CELSR1: variants seen among roughly 807,000 people sequenced by gnomAD.
The protein encoded by CELSR1 is cadherin EGF LAG seven-pass G-type receptor 1.
A neutral mutation model predicts 249.1 loss-of-function variants in CELSR1; 110 were observed. The observed-to-expected ratio is 0.44, with a 90% CI of 0.38 to 0.52. The LOEUF is 0.52. Ranked by LOEUF, CELSR1 falls within the 20% of genes least tolerant of loss-of-function variation. The probability of loss-of-function intolerance (pLI) is 0.00; values close to 1 mark genes in which losing one functional copy is unlikely to be tolerated. For synonymous variants in CELSR1, 2,113 were observed against 1,900.0 expected (o/e 1.11, Z -2.92); for missense variants, 4,109 against 4,296.4 (o/e 0.96, Z 1.22).
At chr22:46,461,275 A>G (rs2080023473) in intron 2 of CELSR1, among the ~76,000 whole-genome samples, 1 of 152,240 alleles carries the variant, frequency 6.6e-6, no homozygotes, top group African/African-American at 2.4e-5. Context: ...GTCTCATGCC[A>G]ATCATTACAT....
intron 24 of CELSR1, among the ~76,000 whole-genome samples, chr22:46,375,333 C>A (rs1314713405): frequency 2.0e-5 from 3 of 152,080 alleles, no homozygotes; most frequent in Non-Finnish European, 2.9e-5. Flanking sequence ...ATGGGTGGTA[C>A]CTTCAACTAC....
rs1047387212 is a variant in CELSR1 at position 46,401,778 on chromosome 22, C to T, written c.5227-1876G>A. The stretch of plus-strand genomic sequence containing the variant: ...AACGATAAAAACGAAAAAGAGCCAC[C>T]TTTGCAGGACTGGAAGCCCAGCTTT... On this transcript the variant is annotated intron_variant, in intron 9 of 34. Transcript: ENST00000674500. This position sits in a 1 kb window ranked among gnomAD's most constrained non-coding sequence, Gnocchi z 4.7. Among the ~76,000 whole-genome samples, 1 of 152,184 alleles carries T rather than the reference C, an allele frequency of 6.6e-6. No homozygotes were observed. The highest frequency in any genetic ancestry group is 2.4e-5 in the African/African-American group (1 of 41,442).
At chr22:46,501,159 A>G (rs1018492788) in intron 1 of CELSR1, among the ~76,000 whole-genome samples, 1 of 149,324 alleles carries the variant, frequency 6.7e-6, no homozygotes, top group Admixed American at 6.7e-5. Flanking sequence ...TCAGCCTCCC[A>G]GTAACTGGGC....
rs979438402 is a variant in CELSR1 at position 46,381,426 on chromosome 22, G to T, written c.7088+420C>A. Reference sequence around the variant, plus strand: ...AGCCTTGGGCTGCTCCCACCGAGCAGGTTGCAAAGCTGCTTCTGGGACATT... The same window carrying T: ...AGCCTTGGGCTGCTCCCACCGAGCATGTTGCAAAGCTGCTTCTGGGACATT... On this transcript the variant is annotated intron_variant, in intron 21 of 34. Transcript: ENST00000674500. This position sits in a 1 kb window ranked among gnomAD's most constrained non-coding sequence, Gnocchi z 6.0. Among the ~76,000 whole-genome samples the T allele has an allele frequency of 2.6e-5, 4 of 152,190 alleles. No homozygotes were observed. Among genetic ancestry groups the T allele is most frequent in the Non-Finnish European group, 5.9e-5 (4 of 68,036 alleles).
chr22:46,407,842 C>T lies in CELSR1; in HGVS notation c.5226+1154G>A, dbSNP rs536058842. On this transcript the variant is annotated intron_variant, in intron 9 of 34. Coordinates refer to ENST00000674500, the MANE Select transcript of CELSR1 (RefSeq NM_001378328.1). The surrounding 1 kb of genome is among the most constrained non-coding windows in gnomAD (Gnocchi z 4.8). ...TGCCCAGTGAGTTTTCAGAGCTAGA[C>T]CCTGATCAGAAAGGGTCACAGCAGC... 1.3e-5 allele frequency among the ~76,000 whole-genome samples: 2 copies of T among 152,170 alleles called. No individual in the cohort carries two copies. The highest frequency in any genetic ancestry group is 2.1e-4 in the South Asian group (1 of 4,832).
chr22:46,536,104 G>T lies in CELSR1; in HGVS notation c.1067C>A (p.Ser356Ter). Residue 356 changes from serine to a stop codon, truncating the protein, a stop_gained, in exon 1 of 35, where the codon TCG (serine) becomes TAG (stop). Transcript: ENST00000674500. LOFTEE classifies it high-confidence loss of function. The stretch of plus-strand genomic sequence containing the variant: ...CTCCCGCACGCGCTCGCGGTACTCC[G>T]ACTGCTCGAAGACCGGGCTGTGGTC... ...TNDHSPVFEQSEYRERVRENL... is the reference protein window; with the variant it reads ...TNDHSPVFEQ 1 of 1,612,304 alleles carries T rather than the reference G, an allele frequency of 6.2e-7. No individual in the cohort carries two copies.
Position 46,412,107 on chromosome 22 carries a change from G to T in CELSR1, c.4612-348C>A, listed in dbSNP as rs538964751. On this transcript the variant is annotated intron_variant, in intron 5 of 34. Coordinates refer to ENST00000674500, the MANE Select transcript of CELSR1 (RefSeq NM_001378328.1). This position sits in a 1 kb window ranked among gnomAD's most constrained non-coding sequence, Gnocchi z 4.5. ...GCTGAGATGCAAAGGCACACAGGGA[G>T]AAGCTGCGTGACCGCGGAGGCAGCT... Among the ~76,000 whole-genome samples the T allele has an allele frequency of 1.4e-4, 22 of 152,362 alleles. No individual in the cohort carries two copies. The highest frequency in any genetic ancestry group is 5.3e-4 in the African/African-American group (22 of 41,584).
rs1030572196 is a variant in CELSR1, at chr22:46,412,640, C to T, written c.4612-881G>A. Among the ~76,000 whole-genome samples, 4 of 152,184 alleles carry T rather than the reference C, an allele frequency of 2.6e-5. No homozygotes were observed. The highest frequency in any genetic ancestry group is 4.8e-5 in the African/African-American group (2 of 41,428). ...GAGCCCACTTTCCCCAGACAGCCCT[C>T]GCAGGTCTCAGCTCCTGGTCAGTCC... On this transcript the variant is annotated intron_variant, in intron 5 of 34. Transcript: ENST00000674500. The surrounding 1 kb of genome is among the most constrained non-coding windows in gnomAD (Gnocchi z 4.5).
Position 46,390,283 on chromosome 22 carries a change from G to T in CELSR1, c.6345+109C>A. ...GTGGGGCTGTCCCTGCGCCATCCCA[G>T]CCGCCCCAACACTCCCCAGCCCAGG... On this transcript the variant is annotated intron_variant, in intron 17 of 34. Coordinates refer to ENST00000674500, the MANE Select transcript of CELSR1 (RefSeq NM_001378328.1). The surrounding 1 kb of genome is among the most constrained non-coding windows in gnomAD (Gnocchi z 6.3). 2 of 898,838 alleles carry T rather than the reference G, an allele frequency of 2.2e-6. No individual in the cohort carries two copies. The highest frequency in any genetic ancestry group is 3.3e-6 in the Non-Finnish European group (2 of 599,478). 55.7% of individuals were successfully genotyped at this position (898,838 alleles called of 1,614,324 possible). A position where few individuals can be genotyped will look rare whatever the true frequency, so the allele number is the denominator to read the frequency against.
rs2080872208 is a variant in CELSR1 at position 46,537,518 on chromosome 22, G to C, written c.-348C>G. Among the ~76,000 whole-genome samples, 1 of 148,376 alleles carries C rather than the reference G, an allele frequency of 6.7e-6. No individual in the cohort carries two copies. The highest frequency in any genetic ancestry group is 1.5e-5 in the Non-Finnish European group (1 of 66,756). Reference sequence around the variant, plus strand: ...GCTCGGCCGGACGGGCGTGGGAAGCGGGGCGGGCCCGGCGCGGGGCGGGGG... The same window carrying C: ...GCTCGGCCGGACGGGCGTGGGAAGCCGGGCGGGCCCGGCGCGGGGCGGGGG... On this transcript the variant is annotated 5_prime_UTR_variant, in exon 1 of 35. Transcript: ENST00000674500. This position sits in a 1 kb window ranked among gnomAD's most constrained non-coding sequence, Gnocchi z 5.8.
intron 2 of CELSR1, among the ~76,000 whole-genome samples, chr22:46,456,169 G>A (rs1005193911): frequency 1.3e-5 from 2 of 152,250 alleles, no homozygotes; most frequent in Non-Finnish European, 2.9e-5. Flanking sequence ...ATACTTGGAA[G>A]TGAAGCTTTA....
intron 1 of CELSR1, among the ~76,000 whole-genome samples, chr22:46,469,048 C>T (rs1435215690): frequency 6.6e-6 from 1 of 152,106 alleles, no homozygotes; most frequent in Non-Finnish European, 1.5e-5. Context: ...TGCACTCCAG[C>T]CTGGGGGACA....
In CELSR1 at chr22:46,518,997, T is replaced by C. The variant is rs1025668823; in HGVS notation, c.3544+14630A>G. Among the ~76,000 whole-genome samples, 18 of 151,978 alleles carry C rather than the reference T, an allele frequency of 1.2e-4. No individual in the cohort carries two copies. Among genetic ancestry groups the C allele is most frequent in the African/African-American group, 4.1e-4 (17 of 41,450 alleles). Reference sequence around the variant, plus strand: ...GCAATGAGCCAAGATTGAGCCACTGTACTCCAGCCTGGGTAACGGAGCGAG... The same window carrying C: ...GCAATGAGCCAAGATTGAGCCACTGCACTCCAGCCTGGGTAACGGAGCGAG... On this transcript the variant is annotated intron_variant, in intron 1 of 34. Transcript: ENST00000674500. The surrounding 1 kb of genome is among the most constrained non-coding windows in gnomAD (Gnocchi z 5.2).
intron 1 of CELSR1, among the ~76,000 whole-genome samples, chr22:46,497,845 A>G (rs2080427579): frequency 6.6e-6 from 1 of 152,156 alleles, no homozygotes; most frequent in African/African-American, 2.4e-5. Context: ...TTGAGCTCAC[A>G]CAGAAGAGAG....
rs545233426 is a variant in CELSR1 at position 46,500,197 on chromosome 22, G to C, written c.3544+33430C>G. ...CAGCATGATCCCACCCCAGCCCCTG[G>C]TCCTCCCAGCATTGCTCAGCAGGAA... On this transcript the variant is annotated intron_variant, in intron 1 of 34. Transcript: ENST00000674500. This position sits in a 1 kb window ranked among gnomAD's most constrained non-coding sequence, Gnocchi z 4.9. 6.6e-6 allele frequency among the ~76,000 whole-genome samples: 1 copy of C among 151,486 alleles called. No individual in the cohort carries two copies. The highest frequency in any genetic ancestry group is 1.5e-5 in the Non-Finnish European group (1 of 67,880).
chr22:46,524,951 G>A (rs748929260), intron 1 of CELSR1, among the ~76,000 whole-genome samples: 11 of 152,090 alleles, frequency 7.2e-5, no homozygotes, highest in South Asian at 6.2e-4. Context: ...TCACCCCTCC[G>A]AGGGTCCCCT....
intron 2 of CELSR1, 80 bp from the exon 3 acceptor site, chr22:46,439,491 G>T: frequency 8.5e-7 from 1 of 1,169,764 alleles, no homozygotes; most frequent in Non-Finnish European, 1.2e-6. Context: ...GCAGACCCTG[G>T]ACACACCCCA....
rs1344790435 is a variant in CELSR1, at chr22:46,459,049, C to A, written c.4183+4658G>T. On this transcript the variant is annotated intron_variant, in intron 2 of 34. Transcript: ENST00000674500. ...CTGGGACTACAGGCGTGTGCCACCA[C>A]ACCTGGTTTTTTGTATTTTTAGTAG... is the stretch of plus-strand genomic sequence containing the variant. Among the ~76,000 whole-genome samples the A allele has an allele frequency of 3.4e-5, 5 of 146,040 alleles. No individual in the cohort carries two copies. The Admixed American group carries it at 3.7e-4, about 11-fold the overall frequency.
rs970177285 is a variant in CELSR1 at position 46,500,811 on chromosome 22, C to T, written c.3544+32816G>A. 1.3e-5 allele frequency among the ~76,000 whole-genome samples: 2 copies of T among 152,132 alleles called. No homozygotes were observed. The highest frequency in any genetic ancestry group is 6.5e-5 in the Admixed American group (1 of 15,272). On this transcript the variant is annotated intron_variant, in intron 1 of 34. Transcript: ENST00000674500. The surrounding 1 kb of genome is among the most constrained non-coding windows in gnomAD (Gnocchi z 4.9). ...CCGGGAGGCCAGCAGCAGGTCAGGC[C>T]ACTACATTGCGTCTCTCAGGCTCAG... is the stretch of plus-strand genomic sequence containing the variant.
Sources: gnomAD v4.1 joint callset for allele counts (sites outside exome capture counted in the v4.1 genomes callset) on GRCh38, gnomAD v4.1.1 for gene constraint, Gnocchi (gnomAD v3.1) non-coding constraint, MANE v1.5 for transcripts, NCBI Gene and HGNC (gene_info 2026-07-23, HGNC 2026-07-21) for gene names.